FBXL17: variants seen among roughly 807,000 people sequenced by gnomAD.
FBXL17 encodes F-box/LRR-repeat protein 17.
Under a neutral mutation model 66.2 loss-of-function variants are expected in FBXL17, and 22 were observed. The observed-to-expected ratio is 0.33, with a 90% CI of 0.24 to 0.47. FBXL17 has a LOEUF of 0.47. Ranked by LOEUF, FBXL17 falls within the 20% of genes least tolerant of loss-of-function variation. The pLI is 1.00. For missense variants in FBXL17, 878 were observed against 948.2 expected (o/e 0.93, Z 0.97); for synonymous variants, 474 against 400.5 (o/e 1.18, Z -2.19).
chr5:108,362,076 T>A (rs937575627), intron 3 of FBXL17, among the ~76,000 whole-genome samples: 3 of 152,196 alleles, frequency 2.0e-5, no homozygotes, highest in African/African-American at 7.2e-5. Flanking sequence ...TTGGATCTGA[T>A]AGTTTAGGCT....
chr5:108,375,663 G>T (rs1208100031), intron 1 of FBXL17, among the ~76,000 whole-genome samples: 4 of 152,082 alleles, frequency 2.6e-5, no homozygotes, highest in Admixed American at 2.6e-4. Context: ...ACAAAGAAAA[G>T]ACAAGGACCA....
chr5:108,228,250 T>C (rs1442123808), intron 4 of FBXL17, among the ~76,000 whole-genome samples: 1 of 152,116 alleles, frequency 6.6e-6, no homozygotes, highest in Non-Finnish European at 1.5e-5. Flanking sequence ...TAAAAGGGCC[T>C]TGAAGATTTG....
chr5:107,859,962 T>C lies in FBXL17; in HGVS notation c.*1758A>G, dbSNP rs950449049. 2.0e-5 allele frequency: 3 copies of C among 152,150 alleles called. No individual in the cohort carries two copies. The highest frequency in any genetic ancestry group is 4.4e-5 in the Non-Finnish European group (3 of 67,992). 9.4% of individuals were successfully genotyped at this position (152,150 alleles called of 1,614,324 possible). On this transcript the variant is annotated 3_prime_UTR_variant, in exon 9 of 9. Transcript: ENST00000542267. ...ATATAGTTTATTAATGTTAAACAGCTTTTTTCTTACACAAATTTTATTCCC... is the reference window on the plus strand; with the variant it reads ...ATATAGTTTATTAATGTTAAACAGCCTTTTTCTTACACAAATTTTATTCCC...
intron 6 of FBXL17, among the ~76,000 whole-genome samples, chr5:108,055,025 C>T (rs1395789762): frequency 6.6e-6 from 1 of 152,024 alleles, no homozygotes; most frequent in African/African-American, 2.4e-5. Flanking sequence ...TTTAAAGACA[C>T]TGAAAACTCT....
intron 7 of FBXL17, among the ~76,000 whole-genome samples, chr5:107,889,271 T>C (rs914991878): frequency 3.3e-5 from 5 of 152,232 alleles, no homozygotes; most frequent in Non-Finnish European, 7.3e-5. Flanking sequence ...ATTTCCCATG[T>C]AATCTGAAGA....
chr5:108,133,712 G>A (rs1343095300), intron 6 of FBXL17, among the ~76,000 whole-genome samples: 1 of 152,142 alleles, frequency 6.6e-6, no homozygotes, highest in African/African-American at 2.4e-5. Context: ...CATAAAAAAA[G>A]AAGAAAAGAC....
At chr5:108,115,349 C>CA (rs1022587063) in intron 6 of FBXL17, among the ~76,000 whole-genome samples, 24 of 150,390 alleles carry the variant, frequency 1.6e-4, no homozygotes, top group Non-Finnish European at 2.7e-4. Flanking sequence ...GAAGCTGATA[C>CA]AAAAAAAAAT....
intron 6 of FBXL17, among the ~76,000 whole-genome samples, chr5:108,096,961 A>G (rs1172202329): frequency 6.6e-6 from 1 of 152,212 alleles, no homozygotes; most frequent in Non-Finnish European, 1.5e-5. Flanking sequence ...TAGTTTACTG[A>G]TGGGCCTAGT....
At chr5:108,303,361 AACAC>A (rs58495859) in intron 4 of FBXL17, among the ~76,000 whole-genome samples, 4,931 of 141,572 alleles carry the variant, frequency 0.035, 237 homozygotes, top group African/African-American at 0.11. Flanking sequence ...CACAGGCATA[AACAC>A]ACACACACAC....
At chr5:108,121,068 G>A (rs900785851) in intron 6 of FBXL17, among the ~76,000 whole-genome samples, 5 of 152,154 alleles carry the variant, frequency 3.3e-5, no homozygotes, top group Non-Finnish European at 5.9e-5. Context: ...GGTGGCTCAC[G>A]CCTGCAATCC....
intron 6 of FBXL17, among the ~76,000 whole-genome samples, chr5:108,033,610 G>A (rs961225429): frequency 3.3e-5 from 5 of 152,108 alleles, no homozygotes; most frequent in African/African-American, 4.8e-5. Context: ...ACCTAAAAGT[G>A]AAATTGCAGA....
intron 4 of FBXL17, among the ~76,000 whole-genome samples, chr5:108,274,826 C>G (rs951447226): frequency 6.6e-6 from 1 of 152,154 alleles, no homozygotes; most frequent in Non-Finnish European, 1.5e-5. Context: ...TGACTTCCCG[C>G]AACAAATAAC....
At chr5:108,029,059 T>C (rs1480558155) in intron 6 of FBXL17, among the ~76,000 whole-genome samples, 2 of 152,152 alleles carry the variant, frequency 1.3e-5, no homozygotes, top group African/African-American at 4.8e-5. Context: ...TAAACATTCA[T>C]AACCAGGAAG....
intron 4 of FBXL17, among the ~76,000 whole-genome samples, chr5:108,250,103 C>G (rs541005613): frequency 1.3e-5 from 2 of 152,026 alleles, no homozygotes; most frequent in Non-Finnish European, 2.9e-5. Flanking sequence ...GTTTCAGTAC[C>G]ATTAATGCTA....
chr5:108,063,034 C>T (rs1471144590), intron 6 of FBXL17, among the ~76,000 whole-genome samples: 1 of 152,118 alleles, frequency 6.6e-6, no homozygotes, highest in African/African-American at 2.4e-5. Flanking sequence ...ACTTTTATCT[C>T]ATACACTATT....
At chr5:108,073,270 C>T (rs140729838) in intron 6 of FBXL17, among the ~76,000 whole-genome samples, 5 of 152,062 alleles carry the variant, frequency 3.3e-5, no homozygotes, top group East Asian at 1.9e-4. Flanking sequence ...TGAAATTTAG[C>T]GCTAAAGTGG....
At chr5:108,158,349 A>T (rs1001329544) in intron 6 of FBXL17, among the ~76,000 whole-genome samples, 1 of 152,240 alleles carries the variant, frequency 6.6e-6, no homozygotes, top group Non-Finnish European at 1.5e-5. Context: ...AGTAAATTTA[A>T]CATTAAGTAT....
In FBXL17 at chr5:108,095,966, T is replaced by C. The variant is rs547253817; in HGVS notation, c.1746-74965A>G. Among the ~76,000 whole-genome samples, 8 of 152,286 alleles carry C rather than the reference T, an allele frequency of 5.3e-5. No individual in the cohort carries two copies. The East Asian group carries it at 1.5e-3, about 29-fold the overall frequency. On this transcript the variant is annotated intron_variant, in intron 6 of 8. Transcript: ENST00000542267. The stretch of plus-strand genomic sequence containing the variant: ...ACATAGATAAAATTGTTCTGTAAGT[T>C]TAAAATTCTAAGGAGCTAAAACTGC...
intron 4 of FBXL17, among the ~76,000 whole-genome samples, chr5:108,281,840 T>A (rs1209387952): frequency 6.6e-6 from 1 of 151,082 alleles, no homozygotes; most frequent in Non-Finnish European, 1.5e-5. Context: ...AAAGGAGAAA[T>A]TACAACTTAT....
Sources: gnomAD v4.1 joint callset for allele counts (sites outside exome capture counted in the v4.1 genomes callset) on GRCh38, gnomAD v4.1.1 for gene constraint, MANE v1.5 for transcripts, NCBI Gene and HGNC (gene_info 2026-07-23, HGNC 2026-07-21) for gene names.